The following COQ4 variants were observed in gnomAD, a reference collection of about 807,000 sequenced individuals.
The protein encoded by COQ4 is ubiquinone biosynthesis protein COQ4 homolog, mitochondrial.
A neutral mutation model predicts 30.2 loss-of-function variants in COQ4; 36 were observed. The observed-to-expected ratio is 1.19, with a 90% CI of 0.91 to 1.57. COQ4 has a LOEUF of 1.57. COQ4 is among the 40% of genes most tolerant of loss of function. The probability of loss-of-function intolerance (pLI) is 0.00; values close to 1 mark genes in which losing one functional copy is unlikely to be tolerated. For synonymous variants in COQ4, 197 were observed against 161.0 expected, an observed-to-expected ratio of 1.22 and a Z score of -1.69; for missense variants, 369 against 371.9, an observed-to-expected ratio of 0.99 and a Z score of 0.07.
In COQ4 at chr9:128,323,125, G is replaced by A. The variant is rs1436331257; in HGVS notation, c.180G>A (p.Ala60=). 3.1e-6 allele frequency: 5 copies of A among 1,609,188 alleles called. No individual in the cohort carries two copies. Among genetic ancestry groups the A allele is most frequent in the Non-Finnish European group, 4.2e-6 (5 of 1,179,314 alleles). The change falls in exon 2 of 7, where the codon GCG becomes GCA. Residue 60 remains alanine (A), a synonymous_variant. Transcript: ENST00000300452. The part of the protein sequence containing the change: ...GLLAAGSAAM[A]LYNPYRHDMV... The stretch of plus-strand genomic sequence containing the variant: ...TGGCCGCCGGCTCCGCGGCGATGGC[G>A]CTCTATAACCCCTACCGCCACGGTA...
chr9:128,330,153 G>A (rs919279512), intron 4 of COQ4, among the ~76,000 whole-genome samples: 6 of 150,962 alleles, frequency 4.0e-5, no homozygotes, highest in African/African-American at 1.2e-4. Flanking sequence ...GGTGGATCAC[G>A]AAGTCAGGAG....
At chr9:128,331,206 A>T (rs1203056317) in intron 4 of COQ4, 1 of 152,204 alleles carries the variant, frequency 6.6e-6, no homozygotes, top group Non-Finnish European at 1.5e-5. Context: ...TGTGTATTTT[A>T]TATGATCAGC....
chr9:128,331,990 A>G, intron 4 of COQ4, 163 bp from the exon 5 acceptor site: 1 of 728,112 alleles, frequency 1.4e-6, no homozygotes, highest in African/African-American at 1.8e-5. Context: ...TAGCCTCCCA[A>G]AGTGCTGGGA....
At chr9:128,332,698 A>C in intron 5 of COQ4, 152 bp from the exon 6 acceptor site, 1 of 686,274 alleles carries the variant, frequency 1.5e-6, no homozygotes, top group South Asian at 1.7e-5. Flanking sequence ...ACTCCAAGCC[A>C]AGTGCCCCAG....
rs1283337481 is a variant in COQ4, at chr9:128,333,730, C to G, written c.*85C>G. 7 of 1,214,956 alleles carry G rather than the reference C, an allele frequency of 5.8e-6. No homozygotes were observed. Among genetic ancestry groups the G allele is most frequent in the Non-Finnish European group, 6.6e-6 (6 of 904,646 alleles). The allele number at this position is 1,214,956 out of a possible 1,614,324, so 75.3% of individuals were successfully genotyped here. Reference sequence around the variant, plus strand: ...AGGGCTCCCTTGACTACCTTTGTTCCTCTTCTTTGAACACTGACCCTTGGA... The same window carrying G: ...AGGGCTCCCTTGACTACCTTTGTTCGTCTTCTTTGAACACTGACCCTTGGA... On this transcript the variant is annotated 3_prime_UTR_variant, in exon 7 of 7. Coordinates refer to ENST00000300452, the MANE Select transcript of COQ4 (RefSeq NM_016035.5).
At chr9:128,322,963 G>A (rs904866241) in intron 1 of COQ4, 35 bp downstream of exon 1, 11 of 1,605,058 alleles carry the variant, frequency 6.9e-6, no homozygotes, top group East Asian at 4.5e-5. Flanking sequence ...CAGGCGGGAA[G>A]GAGCCTGAGG....
In COQ4 at chr9:128,333,527, G is replaced by A. The variant is rs750609726; in HGVS notation, c.680G>A (p.Arg227His). 4.3e-5 allele frequency: 69 copies of A among 1,601,198 alleles called. No homozygotes were observed. Among genetic ancestry groups the A allele is most frequent in the Non-Finnish European group, 5.1e-5 (60 of 1,174,578 alleles). Residue 227 changes from arginine (R) to histidine (H), a missense_variant, in exon 7 of 7, where the codon CGC becomes CAC. By Grantham distance (29) the Arg-to-His change is conservative. Transcript: ENST00000300452. ...ELIPWAVQNG[R>H]RAPCVLNLYY... is the part of the protein sequence containing the mutation. ...ATCCCATGGGCCGTTCAGAACGGGC[G>A]CAGAGCCCCATGTGTCCTCAACCTG...
rs748924643 is a variant in COQ4 at position 128,325,780 on chromosome 9, G to T, written c.301G>T (p.Glu101Ter). The T allele has an allele frequency of 4.3e-5, 69 of 1,613,688 alleles. No individual in the cohort carries two copies. Among genetic ancestry groups the T allele is most frequent in the Non-Finnish European group, 5.5e-5 (65 of 1,179,782 alleles). ...RDPEGAQILQ[E>*]RPRISTSTLD... ...CAATGCCCAAGTCTTGCCTTTCAGG[G>T]AGCGTCCCCGGATTTCGACATCCAC... The change falls in exon 4 of 7, where the codon GAG becomes TAG. Residue 101 changes from glutamate (E) to a stop codon, truncating the protein, a stop_gained and splice_region_variant. Transcript: ENST00000300452. LOFTEE classifies it high-confidence loss of function.
chr9:128,326,223 T>C, intron 4 of COQ4: 1 of 492,502 alleles, frequency 2.0e-6, no homozygotes, highest in East Asian at 3.6e-5. Context: ...TGAAGCAAAC[T>C]TGCTAATTCC....
intron 3 of COQ4, 66 bp downstream of exon 3, chr9:128,325,305 C>A: frequency 3.5e-6 from 4 of 1,144,166 alleles, no homozygotes; most frequent in Non-Finnish European, 5.1e-6. Flanking sequence ...TCTAGAATCA[C>A]ATTGTGTTTG....
chr9:128,332,559 C>G lies in COQ4; in HGVS notation c.532+277C>G, dbSNP rs142793859. The G allele has an allele frequency of 1.4e-4, 82 of 583,442 alleles. No individual in the cohort carries two copies. The African/African-American group carries it at 1.5e-3, about 10-fold the overall frequency. 36.1% of individuals were successfully genotyped at this position (583,442 alleles called of 1,614,324 possible). A position where few individuals can be genotyped will look rare whatever the true frequency, so the allele number is the denominator to read the frequency against. Reference sequence around the variant, plus strand: ...CCTGCTCTGAAACCTCAGTAGCTCCCTAAGGCCTGCAGGAACCATCCTGGA... The same window carrying G: ...CCTGCTCTGAAACCTCAGTAGCTCCGTAAGGCCTGCAGGAACCATCCTGGA... On this transcript the variant is annotated intron_variant, in intron 5 of 6. Coordinates refer to ENST00000300452, the MANE Select transcript of COQ4 (RefSeq NM_016035.5).
At chr9:128,330,954 C>G (rs1015441300) in intron 4 of COQ4, 13 of 151,960 alleles carry the variant, frequency 8.6e-5, no homozygotes, top group African/African-American at 3.1e-4. Flanking sequence ...TCTCCTGCCT[C>G]AGCCTCCCGA....
At chr9:128,325,009 GT>G in intron 2 of COQ4, 133 bp from the exon 3 acceptor site, 1 of 628,870 alleles carries the variant, frequency 1.6e-6, no homozygotes, top group East Asian at 2.7e-5. Context: ...TTTGCTAAGT[GT>G]TTAGCCTGAA....
At chr9:128,332,555 C>T (rs1170430735) in intron 5 of COQ4, 4 of 582,726 alleles carry the variant, frequency 6.9e-6, no homozygotes, top group Non-Finnish European at 1.2e-5. Flanking sequence ...ACCTCAGTAG[C>T]TCCCTAAGGC....
At chr9:128,332,317 G>C (rs1360020614) in intron 5 of COQ4, 35 bp downstream of exon 5, 1 of 1,608,006 alleles carries the variant, frequency 6.2e-7, no homozygotes, top group Non-Finnish European at 8.5e-7. Flanking sequence ...CTGTCTCCCT[G>C]GGGTGGCTTC....
At chr9:128,328,003 T>TGGAA (rs1158468111) in intron 4 of COQ4, among the ~76,000 whole-genome samples, 6 of 152,130 alleles carry the variant, frequency 3.9e-5, no homozygotes, top group African/African-American at 1.4e-4. Flanking sequence ...TGAGGAGACT[T>TGGAA]GGAAGGTAAG....
rs193059719 is a variant in COQ4, at chr9:128,325,117, A to G, written c.203-26A>G. 4,611 of 1,578,752 alleles carry G rather than the reference A, an allele frequency of 2.9e-3. 18 individuals are homozygous for G. The highest frequency in any genetic ancestry group is 4.0e-3 in the Middle Eastern group (24 of 5,960). The stretch of plus-strand genomic sequence containing the variant: ...TAACTTACCTAAGATGACATCCCCC[A>G]TTTGTGCCCGTTTCTGTCCTTTCAG... On this transcript the variant is annotated intron_variant, in intron 2 of 6. Transcript: ENST00000300452.
chr9:128,328,651 C>G (rs765365078), intron 4 of COQ4, among the ~76,000 whole-genome samples: 1 of 152,182 alleles, frequency 6.6e-6, no homozygotes, highest in Non-Finnish European at 1.5e-5. Flanking sequence ...TTATTGTCCC[C>G]GAGACGATGT....
In COQ4 at chr9:128,322,840, T is replaced by C; in HGVS notation, c.-19T>C. The C allele has an allele frequency of 6.5e-7, 1 of 1,535,650 alleles. No individual in the cohort carries two copies. The highest frequency in any genetic ancestry group is 1.2e-5 in the South Asian group (1 of 84,304). On this transcript the variant is annotated 5_prime_UTR_variant, in exon 1 of 7. Coordinates refer to ENST00000300452, the MANE Select transcript of COQ4 (RefSeq NM_016035.5). ...CGGCGTTCTTCGTACCCGCCCATCCTCCGCGGACGCCCGCTGCCATGGCGA... is the reference window on the plus strand; with the variant it reads ...CGGCGTTCTTCGTACCCGCCCATCCCCCGCGGACGCCCGCTGCCATGGCGA...
Sources: allele counts gnomAD v4.1 joint callset (sites outside exome capture counted in the v4.1 genomes callset), GRCh38; gene constraint gnomAD v4.1.1; transcripts MANE v1.5; gene names NCBI Gene and HGNC (gene_info 2026-07-23, HGNC 2026-07-21).